The following LRP2 variants were observed in gnomAD, a reference collection of about 807,000 sequenced individuals.
LRP2 encodes LDL receptor related protein 2.
A neutral mutation model predicts 531.0 loss-of-function variants in LRP2; 172 were observed. The observed-to-expected ratio is 0.32, with a 90% CI of 0.29 to 0.37. The LOEUF (loss-of-function observed/expected upper bound fraction) is 0.37. LRP2 is among the 10% of genes least tolerant of loss of function. LRP2 has a pLI of 1.00. For synonymous variants in LRP2, 1,992 were observed against 2,027.6 expected (o/e 0.98, Z 0.47); for missense variants, 5,167 against 5,868.3 (o/e 0.88, Z 3.90).
At chr2:169,139,836 G>A (rs147600959) in intron 72 of LRP2, among the ~76,000 whole-genome samples, 1 of 152,204 alleles carries the variant, frequency 6.6e-6, no homozygotes, top group East Asian at 1.9e-4. Context: ...GTGGCACTGA[G>A]GGGGTGAGTC....
At chr2:169,299,070 GGAAAGAAAGAAA>G (rs1370355245) in intron 4 of LRP2, among the ~76,000 whole-genome samples, 2 of 114,918 alleles carry the variant, frequency 1.7e-5, no homozygotes, top group African/African-American at 3.8e-5. Flanking sequence ...AAAGAAAGAA[GGAAAGAAAGAAA>G]GAAGGAAAGA....
chr2:169,168,941 G>A (rs1260089648), intron 60 of LRP2, among the ~76,000 whole-genome samples: 1 of 152,134 alleles, frequency 6.6e-6, no homozygotes, highest in Non-Finnish European at 1.5e-5. Context: ...GTCAAGACTG[G>A]TTTTACCCAC....
At chr2:169,357,457 G>A (rs966463896) in intron 1 of LRP2, among the ~76,000 whole-genome samples, 2 of 151,738 alleles carry the variant, frequency 1.3e-5, no homozygotes, top group Non-Finnish European at 2.9e-5. Flanking sequence ...TCAGCCTCCC[G>A]AGTAGCTGGG....
chr2:169,224,963 C>T (rs181758545), intron 33 of LRP2, among the ~76,000 whole-genome samples: 110 of 151,938 alleles, frequency 7.2e-4, no homozygotes, highest in Admixed American at 1.4e-3. Context: ...TGGTGGTGCA[C>T]GCCTGTAATC....
At chr2:169,311,056 A>G (rs1439940223) in intron 3 of LRP2, among the ~76,000 whole-genome samples, 6 of 152,016 alleles carry the variant, frequency 3.9e-5, no homozygotes, top group Admixed American at 2.6e-4. Context: ...TATCCCCTTT[A>G]TCATTTTTTA....
chr2:169,239,657 A>G lies in LRP2; in HGVS notation c.4164T>C (p.Cys1388=). The G allele has an allele frequency of 6.2e-7, 1 of 1,614,024 alleles. No individual in the cohort carries two copies. The highest frequency in any genetic ancestry group is 1.1e-5 in the South Asian group (1 of 91,078). ...GAATATCACATTCATCTATGTCTTC[A>G]CAGGTCTTAGAATCATTGGCAAGTA... ...GFLLANDSKT[C]EDIDECDILG... Residue 1388 remains cysteine (C), a synonymous_variant, in exon 26 of 79, where the codon TGT becomes TGC. Transcript: ENST00000649046.
chr2:169,306,574 G>T (rs1684426030), intron 4 of LRP2, among the ~76,000 whole-genome samples: 1 of 152,048 alleles, frequency 6.6e-6, no homozygotes, highest in African/African-American at 2.4e-5. Flanking sequence ...AGAAACTGTG[G>T]TATGCCTGAG....
intron 8 of LRP2, among the ~76,000 whole-genome samples, chr2:169,289,654 T>A (rs1326475033): frequency 6.6e-6 from 1 of 151,938 alleles, no homozygotes; most frequent in African/African-American, 2.4e-5. Flanking sequence ...AAAAATCAGG[T>A]CATGCATGGG....
intron 6 of LRP2, 90 bp downstream of exon 6, chr2:169,294,058 G>T: frequency 1.2e-6 from 1 of 858,512 alleles, no homozygotes. Context: ...GAGGTACATT[G>T]GTGGGGGAGC....
intron 24 of LRP2, among the ~76,000 whole-genome samples, chr2:169,242,636 A>G (rs1689850100): frequency 6.6e-6 from 1 of 152,218 alleles, no homozygotes; most frequent in South Asian, 2.1e-4. Flanking sequence ...CTTTATATGG[A>G]GTAGAGCCTC....
chr2:169,344,015 A>G (rs1357455626), intron 1 of LRP2, among the ~76,000 whole-genome samples: 1 of 152,222 alleles, frequency 6.6e-6, no homozygotes, highest in Admixed American at 6.5e-5. Context: ...GAAACCATAA[A>G]TAAACCTATA....
chr2:169,240,507 G>A (rs1416366519), intron 25 of LRP2, among the ~76,000 whole-genome samples: 1 of 152,108 alleles, frequency 6.6e-6, no homozygotes, highest in Admixed American at 6.5e-5. Flanking sequence ...AATCATACCT[G>A]GCTGGGGTTC....
chr2:169,205,936 AC>A, intron 40 of LRP2, 86 bp downstream of exon 40: 1 of 1,500,778 alleles, frequency 6.7e-7, no homozygotes. Flanking sequence ...AGCCCATAAC[AC>A]ATTGGCTATC....
At chr2:169,355,193 T>C (rs1168085500) in intron 1 of LRP2, among the ~76,000 whole-genome samples, 1 of 152,214 alleles carries the variant, frequency 6.6e-6, no homozygotes, top group African/African-American at 2.4e-5. Flanking sequence ...AAACTTAAAG[T>C]TGCAACATGG....
rs1352693762 is a variant in LRP2 at position 169,349,280 on chromosome 2, G to A, written c.79+13041C>T. On this transcript the variant is annotated intron_variant, in intron 1 of 78. Transcript: ENST00000649046. ...GCCACACTGAGAGGGTGACCTATGA[G>A]CAAAGACCTGTAGGAGGAAAGGAAG... 6.6e-5 allele frequency among the ~76,000 whole-genome samples: 10 copies of A among 152,180 alleles called. No individual in the cohort carries two copies. The South Asian group carries it at 2.1e-3, about 32-fold the overall frequency.
At chr2:169,316,374 A>G (rs1443504100) in intron 3 of LRP2, among the ~76,000 whole-genome samples, 1 of 152,152 alleles carries the variant, frequency 6.6e-6, no homozygotes, top group Non-Finnish European at 1.5e-5. Flanking sequence ...CACTTACAGC[A>G]ATCTTTCTTC....
At chr2:169,282,229 T>C (rs958037200) in intron 10 of LRP2, among the ~76,000 whole-genome samples, 3 of 152,210 alleles carry the variant, frequency 2.0e-5, no homozygotes, top group African/African-American at 7.2e-5. Context: ...AATCAAGTGT[T>C]AAATAACTAT....
At chr2:169,196,842 A>T in intron 46 of LRP2, 69 bp downstream of exon 46, 1 of 1,605,872 alleles carries the variant, frequency 6.2e-7, no homozygotes. Flanking sequence ...TCTGTATTTG[A>T]AGCAGTTGGA....
At chr2:169,172,343 T>C (rs1373413079) in intron 57 of LRP2, among the ~76,000 whole-genome samples, 3 of 152,180 alleles carry the variant, frequency 2.0e-5, no homozygotes, top group Non-Finnish European at 4.4e-5. Context: ...TCCATTCCCA[T>C]TGGTAGAAAC....
Sources: allele counts gnomAD v4.1 joint callset (sites outside exome capture counted in the v4.1 genomes callset), GRCh38; gene constraint gnomAD v4.1.1; transcripts MANE v1.5; gene names NCBI Gene and HGNC (gene_info 2026-07-23, HGNC 2026-07-21).